The following OR56A3 variants were observed in gnomAD, a reference collection of about 807,000 sequenced individuals.
OR56A3 encodes the protein olfactory receptor 56A3.
In OR56A3, 23 loss-of-function variants were observed where a neutral mutation model predicts 17.5. The observed-to-expected ratio is 1.32, with a 90% CI of 0.95 to 1.87. The LOEUF (loss-of-function observed/expected upper bound fraction) is 1.87. OR56A3 is among the 40% of genes most tolerant of loss of function. OR56A3 has a pLI of 0.00. For missense variants in OR56A3, 366 were observed against 380.1 expected, an observed-to-expected ratio of 0.96 and a Z score of 0.31; for synonymous variants, 175 against 150.6, an observed-to-expected ratio of 1.16 and a Z score of -1.19.
downstream of OR56A3, among the ~76,000 whole-genome samples, chr11:5,953,535 G>A (rs1847918815): frequency 1.3e-5 from 2 of 152,088 alleles, no homozygotes; most frequent in Admixed American, 6.6e-5. Flanking sequence ...CCTAGGTTAA[G>A]TGCCATATGA....
At chr11:5,961,942 G>A in the OR56A3 span, among the ~76,000 whole-genome samples, 28 of 152,222 alleles carry the variant, frequency 1.8e-4, no homozygotes, top group African/African-American at 6.7e-4. Context: ...GTAAAGAGAA[G>A]GGGTGAAAGT....
chr11:6,011,204 T>TATACATACATATA, the OR56A3 span, among the ~76,000 whole-genome samples: 11 of 122,526 alleles, frequency 9.0e-5, no homozygotes, highest in South Asian at 2.4e-4. Flanking sequence ...GAGATTTATT[T>TATACATACATATA]TATATATATA....
the OR56A3 span, among the ~76,000 whole-genome samples, chr11:5,992,079 G>A: frequency 6.6e-6 from 1 of 152,208 alleles, no homozygotes. Context: ...GAAACCTCAT[G>A]CAGTGAGCTG....
At chr11:6,013,236 G>T in the OR56A3 span, among the ~76,000 whole-genome samples, 1 of 152,234 alleles carries the variant, frequency 6.6e-6, no homozygotes, top group East Asian at 1.9e-4. Context: ...TCCCCTCACA[G>T]CCTGTGGCAG....
the OR56A3 span, among the ~76,000 whole-genome samples, chr11:5,960,066 T>C: frequency 6.6e-6 from 1 of 152,236 alleles, no homozygotes; most frequent in Non-Finnish European, 1.5e-5. Flanking sequence ...TTGATTATTA[T>C]GGCTTTGTAG....
chr11:6,011,530 T>C, the OR56A3 span, among the ~76,000 whole-genome samples: 12 of 152,142 alleles, frequency 7.9e-5, no homozygotes, highest in Non-Finnish European at 1.5e-4. Context: ...ATCCAGAGCA[T>C]TCAATTCATC....
rs376010177 is a variant in OR56A3, at chr11:5,947,473, G to T, written c.127G>T (p.Val43Leu). 3 of 1,613,794 alleles carry T rather than the reference G, an allele frequency of 1.9e-6. No individual in the cohort carries two copies. Among genetic ancestry groups the T allele is most frequent in the South Asian group, 2.2e-5 (2 of 91,066 alleles). ...LPLSLLFLLA[V>L]GANTTLLMTI... ...CCTCAGCCTCCTTTTCCTCTTGGCCGTAGGGGCCAACACCACCCTCCTGAT... is the reference window on the plus strand; with the variant it reads ...CCTCAGCCTCCTTTTCCTCTTGGCCTTAGGGGCCAACACCACCCTCCTGAT... The change falls in exon 3 of 3, where the codon GTA (valine) becomes TTA (leucine). Residue 43 changes from valine (V) to leucine (L), a missense_variant. Val to Leu is a conservative substitution (Grantham distance 32). Coordinates refer to ENST00000641160, the MANE Select transcript of OR56A3 (RefSeq NM_001003443.3).
At chr11:5,968,273 G>T in the OR56A3 span, 3 of 1,612,906 alleles carry the variant, frequency 1.9e-6, no homozygotes, top group African/African-American at 1.3e-5. Context: ...GGCAGAGTAC[G>T]ATGTCCAGCA....
At chr11:5,965,291 G>C in the OR56A3 span, among the ~76,000 whole-genome samples, 7 of 152,190 alleles carry the variant, frequency 4.6e-5, no homozygotes, top group Admixed American at 3.9e-4. Context: ...CCAGCAAACA[G>C]AAATCAAATA....
At chr11:6,004,278 T>C in the OR56A3 span, among the ~76,000 whole-genome samples, 3 of 151,852 alleles carry the variant, frequency 2.0e-5, no homozygotes, top group African/African-American at 4.8e-5. Flanking sequence ...GAACCAGACC[T>C]GGGGGGCGGA....
At chr11:5,999,057 T>C in the OR56A3 span, among the ~76,000 whole-genome samples, 1 of 152,188 alleles carries the variant, frequency 6.6e-6, no homozygotes, top group African/African-American at 2.4e-5. Context: ...GAGAGCCTCG[T>C]GGTGCACCCA....
In OR56A3 at chr11:5,950,459, A is replaced by G. The variant is rs1847901199; in HGVS notation, c.*2165A>G. The G allele has an allele frequency of 6.6e-6, 1 of 152,196 alleles. No individual in the cohort carries two copies. Among genetic ancestry groups the G allele is most frequent in the South Asian group, 2.1e-4 (1 of 4,834 alleles). 9.4% of individuals were successfully genotyped at this position (152,196 alleles called of 1,614,324 possible). On this transcript the variant is annotated 3_prime_UTR_variant, in exon 3 of 3. Transcript: ENST00000641160. ...GACATTTATAAACAATGTCAAAACA[A>G]TATCGGCATATATTTATTTGAAAAA...
chr11:5,993,949 T>C, the OR56A3 span: 6 of 447,274 alleles, frequency 1.3e-5, no homozygotes, highest in African/African-American at 1.0e-4. Flanking sequence ...TGGTAGTCTT[T>C]TGAATGGTTC....
chr11:5,982,886 A>G, the OR56A3 span, among the ~76,000 whole-genome samples: 1 of 152,198 alleles, frequency 6.6e-6, no homozygotes, highest in Non-Finnish European at 1.5e-5. Context: ...ACTCAAGGCC[A>G]GAAATGAGAC....
At chr11:5,953,958 T>C (rs976105060), downstream of OR56A3, among the ~76,000 whole-genome samples, 1 of 152,032 alleles carries the variant, frequency 6.6e-6, no homozygotes, top group Non-Finnish European at 1.5e-5. Context: ...TATATCAAAG[T>C]TGCAGGGGAA....
the OR56A3 span, chr11:5,967,721 C>G: frequency 3.8e-4 from 607 of 1,612,440 alleles, 5 homozygotes; most frequent in South Asian, 6.4e-3. Flanking sequence ...CCAGAACCAG[C>G]AGGACTGTGG....
In OR56A3 at chr11:5,944,816, T is replaced by C. The variant is rs1027251996; in HGVS notation, c.-303T>C. The C allele has an allele frequency of 2.0e-5, 3 of 152,156 alleles. No individual in the cohort carries two copies. The highest frequency in any genetic ancestry group is 7.2e-5 in the African/African-American group (3 of 41,442). 9.4% of individuals were successfully genotyped at this position (152,156 alleles called of 1,614,324 possible). ...CCCTATTATTTACAGGAGAAAAGAATTGGGAGAATATCTAAATCTCTTCTA... is the reference window on the plus strand; with the variant it reads ...CCCTATTATTTACAGGAGAAAAGAACTGGGAGAATATCTAAATCTCTTCTA... On this transcript the variant is annotated 5_prime_UTR_variant, in exon 2 of 3. Transcript: ENST00000641160.
the OR56A3 span, among the ~76,000 whole-genome samples, chr11:6,018,191 C>T: frequency 6.6e-6 from 1 of 152,012 alleles, no homozygotes; most frequent in Non-Finnish European, 1.5e-5. Context: ...ATTATCTAGA[C>T]AGAAAGTCAA....
chr11:6,003,437 A>T, the OR56A3 span, among the ~76,000 whole-genome samples: 1 of 152,040 alleles, frequency 6.6e-6, no homozygotes, highest in Non-Finnish European at 1.5e-5. Flanking sequence ...TCATTTCTCA[A>T]CCCACTTATT....
Sources: allele counts gnomAD v4.1 joint callset (sites outside exome capture counted in the v4.1 genomes callset), GRCh38; gene constraint gnomAD v4.1.1; transcripts MANE v1.5; gene names NCBI Gene and HGNC (gene_info 2026-07-23, HGNC 2026-07-21).